The following ANGPT1 variants were observed in gnomAD, a reference collection of about 807,000 sequenced individuals.
The protein encoded by ANGPT1 is angiopoietin-1.
In ANGPT1, 17 loss-of-function variants were observed where a neutral mutation model predicts 62.2. The observed-to-expected ratio is 0.27, with a 90% CI of 0.19 to 0.41. The LOEUF (loss-of-function observed/expected upper bound fraction) is 0.41, where lower values mean the gene tolerates loss of function less well. Among genes scored for constraint, ANGPT1 ranks in the 10% least tolerant of loss-of-function variants. The probability of loss-of-function intolerance (pLI) is 1.00; values close to 1 mark genes in which losing one functional copy is unlikely to be tolerated. For missense variants in ANGPT1, 478 were observed against 594.9 expected (o/e 0.80, Z 2.04); for synonymous variants, 199 against 198.9 (o/e 1.00, Z 0.00).
chr8:107,396,988 G>C (rs1816950050), intron 1 of ANGPT1, among the ~76,000 whole-genome samples: 1 of 152,068 alleles, frequency 6.6e-6, no homozygotes. Flanking sequence ...CAAATGTTGA[G>C]AGCAGAAAGA....
intron 3 of ANGPT1, among the ~76,000 whole-genome samples, chr8:107,327,469 A>T (rs1815315976): frequency 6.6e-6 from 1 of 152,104 alleles, no homozygotes; most frequent in African/African-American, 2.4e-5. Flanking sequence ...TTAAACACAA[A>T]ACCTGGATGG....
chr8:107,296,602 G>T (rs1009508370), intron 5 of ANGPT1, among the ~76,000 whole-genome samples: 18 of 152,102 alleles, frequency 1.2e-4, no homozygotes, highest in African/African-American at 4.1e-4. Context: ...TTCAAGAGAA[G>T]TGGTCAAAGT....
At chr8:107,374,505 G>C (rs925155962) in intron 1 of ANGPT1, among the ~76,000 whole-genome samples, 2 of 152,174 alleles carry the variant, frequency 1.3e-5, no homozygotes, top group African/African-American at 4.8e-5. Context: ...GGGTGTAAGT[G>C]GGGGACGAAA....
chr8:107,259,615 A>G (rs142200756), intron 8 of ANGPT1, among the ~76,000 whole-genome samples: 128 of 152,294 alleles, frequency 8.4e-4, no homozygotes, highest in African/African-American at 3.0e-3. Context: ...TGTACTAAAT[A>G]TGGAAATTAT....
At chr8:107,298,700 C>A (rs1334609346) in intron 5 of ANGPT1, among the ~76,000 whole-genome samples, 1 of 151,742 alleles carries the variant, frequency 6.6e-6, no homozygotes, top group East Asian at 1.9e-4. Flanking sequence ...GTTATACTTG[C>A]AACTCACACA....
intron 6 of ANGPT1, among the ~76,000 whole-genome samples, chr8:107,291,896 G>A (rs1047320171): frequency 1.4e-5 from 2 of 139,436 alleles, no homozygotes; most frequent in South Asian, 2.4e-4. Context: ...GAAGATGGGG[G>A]GGGGGGGGGG....
intron 1 of ANGPT1, among the ~76,000 whole-genome samples, chr8:107,366,070 G>C (rs372565302): frequency 5.6e-4 from 85 of 152,166 alleles, no homozygotes; most frequent in African/African-American, 1.9e-3. Flanking sequence ...AACTTACTGT[G>C]GTCATAATGT....
intron 1 of ANGPT1, among the ~76,000 whole-genome samples, chr8:107,463,683 G>A (rs1812127847): frequency 6.6e-6 from 1 of 151,990 alleles, no homozygotes; most frequent in Admixed American, 6.6e-5. Context: ...AATATTTAAA[G>A]ATAATGTGAT....
intron 7 of ANGPT1, among the ~76,000 whole-genome samples, chr8:107,279,564 G>C (rs907883919): frequency 3.9e-5 from 6 of 152,138 alleles, no homozygotes; most frequent in African/African-American, 1.4e-4. Flanking sequence ...CTGTGACCTT[G>C]TGCAAAGTAC....
At position 107,264,337 on chromosome 8, in the gene ANGPT1, C is replaced by T. The variant is rs746930262; in HGVS notation, c.1220G>A (p.Gly407Asp). ...EKQNYRLYLK[G>D]HTGTAGKQSS... ...CTGTTTTCCTGCTGTCCCAGTGTGA[C>T]CTTTTAAATACAACCTGAAGTCAAA... is the stretch of plus-strand genomic sequence containing the variant. Residue 407 changes from glycine to aspartate, a missense_variant, in exon 8 of 9, where the codon GGT becomes GAT. By Grantham distance (94) the Gly-to-Asp change is moderately conservative. This residue lies in a region of ANGPT1 where 19 missense variants were observed against 72.9 expected (regional missense o/e 0.26). Transcript: ENST00000517746. 1.9e-6 allele frequency: 3 copies of T among 1,613,426 alleles called. No individual in the cohort carries two copies. The highest frequency in any genetic ancestry group is 1.3e-5 in the African/African-American group (1 of 74,978).
chr8:107,481,450 C>G (rs912571663), intron 1 of ANGPT1, among the ~76,000 whole-genome samples: 2 of 137,518 alleles, frequency 1.5e-5, no homozygotes, highest in Admixed American at 1.6e-4. Context: ...AGGAGTATCA[C>G]TTGAACCTGG....
At chr8:107,435,587 A>G (rs1811313338) in intron 1 of ANGPT1, among the ~76,000 whole-genome samples, 1 of 152,180 alleles carries the variant, frequency 6.6e-6, no homozygotes, top group South Asian at 2.1e-4. Flanking sequence ...CTGGCAAGGG[A>G]ACAAGAAGGT....
chr8:107,395,245 C>T (rs1283667), intron 1 of ANGPT1, among the ~76,000 whole-genome samples: 41 of 151,914 alleles, frequency 2.7e-4, no homozygotes, highest in Non-Finnish European at 5.4e-4. Context: ...GACTCCATGA[C>T]CTCTATGATT....
intron 1 of ANGPT1, among the ~76,000 whole-genome samples, chr8:107,489,995 T>TATCC (rs1812916853): frequency 6.6e-6 from 1 of 151,340 alleles, no homozygotes; most frequent in Non-Finnish European, 1.5e-5. Flanking sequence ...GCTGCTAATG[T>TATCC]ATCCACACAG....
chr8:107,425,687 T>C (rs966703936), intron 1 of ANGPT1, among the ~76,000 whole-genome samples: 1 of 152,208 alleles, frequency 6.6e-6, no homozygotes, highest in African/African-American at 2.4e-5. Flanking sequence ...AACCGAAGTT[T>C]CTTCTCTTTT....
At chr8:107,261,824 C>A (rs1287780317) in intron 8 of ANGPT1, among the ~76,000 whole-genome samples, 1 of 151,878 alleles carries the variant, frequency 6.6e-6, no homozygotes, top group Admixed American at 6.6e-5. Context: ...ACATAGGTGG[C>A]ATGGATGGGG....
intron 1 of ANGPT1, among the ~76,000 whole-genome samples, chr8:107,484,509 C>T (rs577094601): frequency 6.6e-6 from 1 of 152,278 alleles, no homozygotes; most frequent in South Asian, 2.1e-4. Flanking sequence ...TCAAATGATC[C>T]TCCTACCTCA....
chr8:107,452,647 C>T (rs1284631679), intron 1 of ANGPT1, among the ~76,000 whole-genome samples: 1 of 151,866 alleles, frequency 6.6e-6, no homozygotes, highest in East Asian at 1.9e-4. Flanking sequence ...GAGAAAATGG[C>T]TTCATATACA....
intron 1 of ANGPT1, among the ~76,000 whole-genome samples, chr8:107,414,853 A>G (rs951832980): frequency 1.7e-4 from 26 of 152,208 alleles, no homozygotes; most frequent in Non-Finnish European, 3.4e-4. Context: ...TGGTTATAAG[A>G]AGAGGTTTGA....
Sources: gnomAD v4.1 joint callset for allele counts (sites outside exome capture counted in the v4.1 genomes callset) on GRCh38, gnomAD v4.1.1 for gene constraint, gnomAD v4.1.1 regional missense constraint, MANE v1.5 for transcripts, NCBI Gene and HGNC (gene_info 2026-07-23, HGNC 2026-07-21) for gene names.